SHLD2: variants seen among roughly 807,000 people sequenced by gnomAD.
The protein encoded by SHLD2 is RINN1-REV7-interacting novel NHEJ regulator 2.
A neutral mutation model predicts 73.2 loss-of-function variants in SHLD2; 30 were observed. The observed-to-expected ratio is 0.41, with a 90% confidence interval of 0.31 to 0.56. SHLD2 has a LOEUF of 0.56. Among genes scored for constraint, SHLD2 ranks in the 20% least tolerant of loss-of-function variants. The pLI, the probability that SHLD2 is intolerant of heterozygous loss-of-function variation, is 0.28. For missense variants in SHLD2, 745 were observed against 1,055.9 expected, an observed-to-expected ratio of 0.71 and a Z score of 4.08; for synonymous variants, 285 against 370.1, an observed-to-expected ratio of 0.77 and a Z score of 2.64.
intron 8 of SHLD2, among the ~76,000 whole-genome samples, chr10:87,181,167 G>A (rs559015196): frequency 1.4e-5 from 2 of 147,962 alleles, no homozygotes; most frequent in East Asian, 4.0e-4. Context: ...GATCGCTTGA[G>A]CCCAGGGGTT....
At chr10:87,108,835 AT>A (rs1421534460) in intron 2 of SHLD2, among the ~76,000 whole-genome samples, 1 of 151,994 alleles carries the variant, frequency 6.6e-6, no homozygotes, top group Non-Finnish European at 1.5e-5. Flanking sequence ...GGTAGATGGT[AT>A]TGGTAGAGAA....
At chr10:87,136,820 G>A (rs1037342849) in intron 2 of SHLD2, among the ~76,000 whole-genome samples, 21 of 152,108 alleles carry the variant, frequency 1.4e-4, no homozygotes, top group Admixed American at 7.9e-4. Flanking sequence ...ACACAAGCAG[G>A]TCTCTGTAAT....
intron 2 of SHLD2, among the ~76,000 whole-genome samples, chr10:87,132,829 G>C (rs551006076): frequency 6.6e-6 from 1 of 152,096 alleles, no homozygotes; most frequent in Non-Finnish European, 1.5e-5. Flanking sequence ...ATTAAGTGGG[G>C]GTATAGAATC....
intron 2 of SHLD2, among the ~76,000 whole-genome samples, chr10:87,128,246 T>A (rs1844178828): frequency 6.6e-6 from 1 of 152,222 alleles, no homozygotes; most frequent in Non-Finnish European, 1.5e-5. Flanking sequence ...AAAAATTGAT[T>A]TACTTGAATT....
At chr10:87,106,415 A>AC (rs1411682696) in intron 2 of SHLD2, among the ~76,000 whole-genome samples, 1 of 132,056 alleles carries the variant, frequency 7.6e-6, no homozygotes, top group African/African-American at 3.0e-5. Flanking sequence ...AACGCAATTT[A>AC]CAAAAGGGGG....
intron 9 of SHLD2, among the ~76,000 whole-genome samples, chr10:87,188,482 T>C (rs1848773688): frequency 6.6e-6 from 1 of 152,170 alleles, no homozygotes; most frequent in Non-Finnish European, 1.5e-5. Flanking sequence ...CTTTGTGTTT[T>C]GTAGTTGGAA....
intron 9 of SHLD2, among the ~76,000 whole-genome samples, chr10:87,189,280 C>T (rs1179428727): frequency 6.6e-6 from 1 of 152,196 alleles, no homozygotes. Context: ...GGATTACAGG[C>T]GTGAGCCACC....
At chr10:87,098,932 C>G (rs1277192805) in intron 2 of SHLD2, among the ~76,000 whole-genome samples, 1 of 152,150 alleles carries the variant, frequency 6.6e-6, no homozygotes, top group Admixed American at 6.5e-5. Context: ...CCTGCCGCCA[C>G]TCCCGGCTAA....
chr10:87,095,552 G>T (rs1443345538), intron 1 of SHLD2, among the ~76,000 whole-genome samples: 1 of 152,250 alleles, frequency 6.6e-6, no homozygotes, highest in Admixed American at 6.5e-5. Flanking sequence ...GTAAGGCCGG[G>T]CTGAGGGCTC....
chr10:87,098,246 G>T (rs1842033364), intron 2 of SHLD2, among the ~76,000 whole-genome samples: 1 of 151,956 alleles, frequency 6.6e-6, no homozygotes, highest in African/African-American at 2.4e-5. Flanking sequence ...GGGCGTGGTG[G>T]CTCATACCTG....
chr10:87,102,314 G>C (rs1046622384), intron 2 of SHLD2, among the ~76,000 whole-genome samples: 3 of 151,622 alleles, frequency 2.0e-5, no homozygotes, highest in African/African-American at 7.3e-5. Flanking sequence ...TGCTAATTTT[G>C]TTTTGTTTTC....
intron 4 of SHLD2, among the ~76,000 whole-genome samples, chr10:87,163,517 T>C (rs925408336): frequency 9.9e-5 from 15 of 152,060 alleles, no homozygotes; most frequent in Admixed American, 2.0e-4. Flanking sequence ...CCTAAGTAGC[T>C]GTGGAAAAGA....
intron 2 of SHLD2, among the ~76,000 whole-genome samples, chr10:87,113,640 T>A (rs1168795998): frequency 6.6e-6 from 1 of 152,000 alleles, no homozygotes; most frequent in Non-Finnish European, 1.5e-5. Flanking sequence ...GTGTAGATGG[T>A]TGCAAAATGT....
At chr10:87,187,608 G>C (rs1437813141) in intron 9 of SHLD2, among the ~76,000 whole-genome samples, 1 of 152,194 alleles carries the variant, frequency 6.6e-6, no homozygotes, top group African/African-American at 2.4e-5. Flanking sequence ...TAATATATTT[G>C]TCAGGTATTC....
chr10:87,128,284 T>A lies in SHLD2; in HGVS notation c.-5-23066T>A, dbSNP rs143562134. 7.7e-3 allele frequency among the ~76,000 whole-genome samples: 1,170 copies of A among 152,346 alleles called. 16 individuals are homozygous for A. Among genetic ancestry groups the A allele is most frequent in the African/African-American group, 0.027 (1,125 of 41,576 alleles). On this transcript the variant is annotated intron_variant, in intron 2 of 9. Transcript: ENST00000298786. ...CAGGTTAGAACATAAATTATTTGCA[T>A]GATTTGCTGTGTCCTTGTGACTAAC...
chr10:87,126,222 G>T (rs1165984747), intron 2 of SHLD2, among the ~76,000 whole-genome samples: 1 of 152,090 alleles, frequency 6.6e-6, no homozygotes, highest in Non-Finnish European at 1.5e-5. Context: ...GGGACTAAAG[G>T]TGTGCACCAC....
At chr10:87,166,619 A>G (rs1428564799) in intron 4 of SHLD2, among the ~76,000 whole-genome samples, 1 of 152,228 alleles carries the variant, frequency 6.6e-6, no homozygotes, top group Non-Finnish European at 1.5e-5. Context: ...TCAGTGGCTC[A>G]TGCCTGTAAT....
At chr10:87,139,808 G>C (rs1034265021) in intron 2 of SHLD2, among the ~76,000 whole-genome samples, 2 of 152,164 alleles carry the variant, frequency 1.3e-5, no homozygotes, top group African/African-American at 2.4e-5. Flanking sequence ...CTGGGTGACA[G>C]AGTGAGACTT....
At chr10:87,175,833 C>G (rs11202370) in intron 6 of SHLD2, 56 bp from the exon 7 acceptor site, 1,054,589 of 1,506,346 alleles carry the variant, frequency 0.7, 376,036 homozygotes, top group Middle Eastern at 0.85. Flanking sequence ...TAATCTGATA[C>G]TAAGCCTAGA....
Sources: gnomAD v4.1 joint callset for allele counts (sites outside exome capture counted in the v4.1 genomes callset) on GRCh38, gnomAD v4.1.1 for gene constraint, MANE v1.5 for transcripts, NCBI Gene and HGNC (gene_info 2026-07-23, HGNC 2026-07-21) for gene names.